ARHGAP17: variants seen among roughly 807,000 people sequenced by gnomAD.
The protein encoded by ARHGAP17 is Rho GTPase activating protein 17.
Under a neutral mutation model 99.5 loss-of-function variants are expected in ARHGAP17, and 57 were observed. The ratio of observed to expected loss-of-function variants is 0.57; its 90% CI spans 0.46 to 0.71. The LOEUF (loss-of-function observed/expected upper bound fraction) is 0.71, where lower values mean the gene tolerates loss of function less well. ARHGAP17 is among the 30% of genes least tolerant of loss of function. ARHGAP17 has a pLI of 0.00. For missense variants in ARHGAP17, 1,000 were observed against 1,122.4 expected (o/e 0.89, Z 1.56); for synonymous variants, 417 against 429.6 (o/e 0.97, Z 0.36).
chr16:24,979,704 T>TTTATTATTATTATTATTA (rs532237734), intron 1 of ARHGAP17, among the ~76,000 whole-genome samples: 14 of 150,594 alleles, frequency 9.3e-5, no homozygotes, highest in African/African-American at 2.9e-4. Context: ...TAATTTTTAT[T>TTTATTATTATTATTATTA]TTATTATTAT....
intron 15 of ARHGAP17, among the ~76,000 whole-genome samples, chr16:24,943,295 G>A (rs539674235): frequency 6.6e-6 from 1 of 152,182 alleles, no homozygotes; most frequent in Non-Finnish European, 1.5e-5. Context: ...CCATAATCTA[G>A]CTAGAGAAAC....
At chr16:24,952,189 T>C (rs1407991577) in intron 12 of ARHGAP17, 100 bp downstream of exon 12, 1 of 840,462 alleles carries the variant, frequency 1.2e-6, no homozygotes, top group African/African-American at 1.7e-5. Context: ...AAATACGCTA[T>C]TTTAATCTTA....
At chr16:25,004,283 T>C (rs888112201) in intron 1 of ARHGAP17, among the ~76,000 whole-genome samples, 1 of 152,148 alleles carries the variant, frequency 6.6e-6, no homozygotes, top group Non-Finnish European at 1.5e-5. Flanking sequence ...TTAAAAATGA[T>C]TGCTCACGTT....
In ARHGAP17 at chr16:24,947,509, G is replaced by A. The variant is rs1453245017; in HGVS notation, c.1214C>T (p.Pro405Leu). The change falls in exon 14 of 20, where the codon CCT becomes CTT. Residue 405 changes from proline (P) to leucine (L), a missense_variant. Pro to Leu is a moderately conservative substitution (Grantham distance 98). Coordinates refer to ENST00000289968, the MANE Select transcript of ARHGAP17 (RefSeq NM_001006634.3). ...TTCATTTCTGGCCCATAACAAGTTA[G>A]GGCCTAACACAATCGCAATGTTGCT... The part of the protein sequence containing the change: ...TPSNIAIVLG[P>L]NLLWARNEGT... 3 of 1,613,686 alleles carry A rather than the reference G, an allele frequency of 1.9e-6. No homozygotes were observed. Among genetic ancestry groups the A allele is most frequent in the African/African-American group, 1.3e-5 (1 of 75,066 alleles).
intron 1 of ARHGAP17, among the ~76,000 whole-genome samples, chr16:24,979,741 C>CAT (rs1303937262): frequency 6.7e-6 from 1 of 149,540 alleles, no homozygotes; most frequent in Non-Finnish European, 1.5e-5. Flanking sequence ...GACAGAGTCT[C>CAT]ATTCTGTTGC....
chr16:24,963,641 G>A (rs1198762244), intron 7 of ARHGAP17, among the ~76,000 whole-genome samples: 1 of 152,088 alleles, frequency 6.6e-6, no homozygotes, highest in East Asian at 1.9e-4. Flanking sequence ...GAGAGAATGA[G>A]ATCACTTGAC....
intron 16 of ARHGAP17, 145 bp from the exon 17 acceptor site, chr16:24,939,742 T>C: frequency 1.2e-6 from 1 of 800,220 alleles, no homozygotes; most frequent in Non-Finnish European, 2.1e-6. Context: ...ACCAGACTAA[T>C]GGCCACCCCT....
intron 19 of ARHGAP17, among the ~76,000 whole-genome samples, chr16:24,921,666 T>A (rs1477953995): frequency 6.6e-6 from 1 of 152,140 alleles, no homozygotes; most frequent in Non-Finnish European, 1.5e-5. Flanking sequence ...GGGACACCCT[T>A]TTTCTCACAG....
chr16:24,964,266 C>A lies in ARHGAP17; in HGVS notation c.504G>T (p.Gly168=). The change falls in exon 7 of 20, where the codon GGG becomes GGT. Residue 168 remains glycine, a synonymous_variant. Coordinates refer to ENST00000289968, the MANE Select transcript of ARHGAP17 (RefSeq NM_001006634.3). ...AHKSSGTNFQ[G]LPSKIDTLKE... ...TTAGAGTATCTATTTTTGATGGAAG[C>A]CCCTGAAAGTTGGTTCCTGAGGATT... 3 of 1,613,846 alleles carry A rather than the reference C, an allele frequency of 1.9e-6. No individual in the cohort carries two copies. Among genetic ancestry groups the A allele is most frequent in the African/African-American group, 2.7e-5 (2 of 74,992 alleles).
chr16:24,984,392 C>T (rs1459083879), intron 1 of ARHGAP17, among the ~76,000 whole-genome samples: 3 of 152,114 alleles, frequency 2.0e-5, no homozygotes, highest in Admixed American at 1.3e-4. Context: ...TGAGGCCGGG[C>T]GCAGTGGCTC....
intron 1 of ARHGAP17, among the ~76,000 whole-genome samples, chr16:25,006,317 G>A (rs1427030946): frequency 6.6e-6 from 1 of 151,866 alleles, no homozygotes; most frequent in Non-Finnish European, 1.5e-5. Context: ...GGACATGGTG[G>A]TGTGCGCCTG....
At chr16:24,922,024 C>CTTGGATGG (rs1467545089) in intron 19 of ARHGAP17, among the ~76,000 whole-genome samples, 1 of 152,244 alleles carries the variant, frequency 6.6e-6, no homozygotes, top group African/African-American at 2.4e-5. Flanking sequence ...TAGCTGCACA[C>CTTGGATGG]TTGGATGGTT....
intron 1 of ARHGAP17, among the ~76,000 whole-genome samples, chr16:25,011,907 T>G (rs1229704985): frequency 1.3e-5 from 2 of 152,106 alleles, no homozygotes; most frequent in African/African-American, 4.8e-5. Context: ...GCTCAGATTT[T>G]CTCCTCTGGG....
chr16:24,944,113 A>G (rs1051153941), intron 14 of ARHGAP17, among the ~76,000 whole-genome samples: 1 of 151,950 alleles, frequency 6.6e-6, no homozygotes, highest in Admixed American at 6.6e-5. Flanking sequence ...TGTACTAAAA[A>G]TACAAAAATT....
chr16:25,015,162 T>TCCGCCCA, intron 1 of ARHGAP17, 47 bp downstream of exon 1: 1 of 1,163,954 alleles, frequency 8.6e-7, no homozygotes, highest in African/African-American at 1.7e-5. Context: ...CCCTCCGCCC[T>TCCGCCCA]CCGCCCCCAG....
At chr16:24,989,294 C>T (rs963422687) in intron 1 of ARHGAP17, among the ~76,000 whole-genome samples, 3 of 152,164 alleles carry the variant, frequency 2.0e-5, no homozygotes, top group Non-Finnish European at 2.9e-5. Flanking sequence ...AGCTCATCCC[C>T]ATAAAAACAG....
At chr16:24,935,370 G>T in intron 18 of ARHGAP17, 100 bp downstream of exon 18, 1 of 1,340,214 alleles carries the variant, frequency 7.5e-7, no homozygotes. Flanking sequence ...AACAGACATA[G>T]AAAAGATCTG....
chr16:24,970,509 C>T lies in ARHGAP17; in HGVS notation c.270G>A (p.Leu90=). The part of the protein sequence containing the change: ...EASTQLEDSL[L]GKMLETCGDA... The stretch of plus-strand genomic sequence containing the variant: ...ACTCTGAAGGCAGCAACTCTTACCC[C>T]AGGAGAGAGTCTTCCAGCTGAGTCG... The change falls in exon 4 of 20, where the codon CTG becomes CTA. Residue 90 remains leucine, a splice_region_variant and synonymous_variant. Transcript: ENST00000289968. 6.2e-7 allele frequency: 1 copy of T among 1,613,972 alleles called. No homozygotes were observed. The highest frequency in any genetic ancestry group is 1.1e-5 in the South Asian group (1 of 91,078).
At chr16:24,929,462 A>G (rs1025422115) in intron 19 of ARHGAP17, 1 of 328,832 alleles carries the variant, frequency 3.0e-6, no homozygotes, top group Non-Finnish European at 4.4e-6. Context: ...AATATGCTAC[A>G]GAATGGATGG....
Sources: allele counts gnomAD v4.1 joint callset (sites outside exome capture counted in the v4.1 genomes callset), GRCh38; gene constraint gnomAD v4.1.1; transcripts MANE v1.5; gene names NCBI Gene and HGNC (gene_info 2026-07-23, HGNC 2026-07-21).